PARP9: variants seen among roughly 807,000 people sequenced by gnomAD.
PARP9 encodes the protein poly(ADP-ribose) polymerase family member 9, also known as protein mono-ADP-ribosyltransferase PARP9.
Under a neutral mutation model 68.8 loss-of-function variants are expected in PARP9, and 48 were observed. That is an observed-to-expected ratio of 0.70 (90% CI 0.55 to 0.89). The LOEUF is 0.89. PARP9 is among the 40% of genes least tolerant of loss of function. The pLI, the probability that PARP9 is intolerant of heterozygous loss-of-function variation, is 0.00. For synonymous variants in PARP9, 309 were observed against 333.8 expected (o/e 0.93, Z 0.81); for missense variants, 806 against 969.3 (o/e 0.83, Z 2.24).
chr3:122,534,779 G>T, intron 10 of PARP9: 1 of 368,680 alleles, frequency 2.7e-6, no homozygotes, highest in Non-Finnish European at 3.8e-6. Context: ...GGGAGGCTGA[G>T]GCAGGAGAAC....
At chr3:122,535,022 G>C (rs1204023476) in intron 10 of PARP9, 1 of 978,696 alleles carries the variant, frequency 1.0e-6, no homozygotes, top group Non-Finnish European at 1.2e-6. Context: ...TGTTGGGTAG[G>C]CAAGTAGCAG....
At chr3:122,535,644 T>C in intron 10 of PARP9, 1 of 985,828 alleles carries the variant, frequency 1.0e-6, no homozygotes, top group African/African-American at 1.7e-5. Flanking sequence ...CACATAGAAC[T>C]CCTATGGATG....
At chr3:122,563,924 C>A (rs573487813) in intron 1 of PARP9, among the ~76,000 whole-genome samples, 1 of 151,988 alleles carries the variant, frequency 6.6e-6, no homozygotes, top group South Asian at 2.1e-4. Context: ...CCGCAGAAGC[C>A]CGTCTAAAGG....
intron 10 of PARP9, 154 bp downstream of exon 10, chr3:122,536,014 T>C: frequency 6.6e-7 from 1 of 1,526,274 alleles, no homozygotes; most frequent in Non-Finnish European, 8.8e-7. Context: ...CTTTCCAAAA[T>C]ACTTTGTGAC....
intron 10 of PARP9, chr3:122,533,639 A>T: frequency 1.0e-6 from 1 of 953,576 alleles, no homozygotes; most frequent in South Asian, 4.9e-5. Context: ...TACCCCTAGC[A>T]CAGGGCCTGA....
At chr3:122,530,584 C>G (rs907147203) in intron 10 of PARP9, among the ~76,000 whole-genome samples, 2 of 152,098 alleles carry the variant, frequency 1.3e-5, no homozygotes, top group African/African-American at 2.4e-5. Flanking sequence ...CGAAGTAATC[C>G]CTGTTCACTG....
At chr3:122,550,489 A>C in intron 6 of PARP9, 95 bp downstream of exon 6, 1 of 1,035,174 alleles carries the variant, frequency 9.7e-7, no homozygotes, top group Non-Finnish European at 1.4e-6. Flanking sequence ...CTAGCCCTGC[A>C]TCCCCTGCAT....
chr3:122,536,744 C>T, intron 9 of PARP9, 190 bp downstream of exon 9: 1 of 644,616 alleles, frequency 1.6e-6, no homozygotes, highest in Non-Finnish European at 2.5e-6. Flanking sequence ...TGATGTCATT[C>T]CTACCTCCCG....
chr3:122,560,383 T>G (rs994149667), intron 1 of PARP9, among the ~76,000 whole-genome samples: 9 of 138,782 alleles, frequency 6.5e-5, no homozygotes, highest in Non-Finnish European at 3.0e-5. Context: ...TCTTTGTTTG[T>G]TTTTTTGTTT....
intron 10 of PARP9, chr3:122,535,318 A>G (rs531109031): frequency 1.7e-5 from 17 of 985,252 alleles, no homozygotes; most frequent in Non-Finnish European, 1.9e-5. Flanking sequence ...AGTTTTGCCT[A>G]TGTTCTCTCC....
chr3:122,550,473 C>T (rs2079110070), intron 6 of PARP9, 111 bp downstream of exon 6: 4 of 882,116 alleles, frequency 4.5e-6, no homozygotes, highest in East Asian at 2.6e-5. Flanking sequence ...CCACACTGTA[C>T]AGCACCTAGC....
At chr3:122,533,609 T>C (rs2077449714) in intron 10 of PARP9, 8 of 853,898 alleles carry the variant, frequency 9.4e-6, no homozygotes, top group Non-Finnish European at 1.1e-5. Flanking sequence ...TATGGTTTTT[T>C]ATTTACACTC....
chr3:122,562,258 T>C (rs2080289801), intron 1 of PARP9, among the ~76,000 whole-genome samples: 2 of 152,098 alleles, frequency 1.3e-5, no homozygotes, highest in Admixed American at 6.6e-5. Context: ...TCTTGGCTCA[T>C]TGGAAGCTCC....
chr3:122,533,510 A>T, intron 10 of PARP9: 1 of 225,054 alleles, frequency 4.4e-6, no homozygotes, highest in Non-Finnish European at 7.4e-6. Flanking sequence ...GCCATCACCA[A>T]GGGGGACATC....
intron 8 of PARP9, among the ~76,000 whole-genome samples, chr3:122,538,658 CCA>C (rs10577699): frequency 0.32 from 45,979 of 144,678 alleles, 7,912 homozygotes; most frequent in East Asian, 0.53. Flanking sequence ...TAAAGCAATG[CCA>C]CACACACACA....
At chr3:122,549,204 C>A (rs531282253) in intron 6 of PARP9, among the ~76,000 whole-genome samples, 4 of 152,012 alleles carry the variant, frequency 2.6e-5, no homozygotes, top group African/African-American at 9.6e-5. Context: ...TTAGTAGAAA[C>A]GGGATTTCAT....
chr3:122,531,454 G>A (rs1294549450), intron 10 of PARP9, among the ~76,000 whole-genome samples: 1 of 152,160 alleles, frequency 6.6e-6, no homozygotes, highest in Non-Finnish European at 1.5e-5. Flanking sequence ...ATAAATATAT[G>A]TATAGTTTTT....
At chr3:122,543,441 C>A (rs2078428248) in intron 7 of PARP9, among the ~76,000 whole-genome samples, 1 of 151,400 alleles carries the variant, frequency 6.6e-6, no homozygotes, top group Non-Finnish European at 1.5e-5. Context: ...CCATGCCCGG[C>A]TAATTTTGTA....
At chr3:122,539,172 C>T (rs1358401063) in intron 8 of PARP9, among the ~76,000 whole-genome samples, 1 of 152,194 alleles carries the variant, frequency 6.6e-6, no homozygotes, top group African/African-American at 2.4e-5. Context: ...CCAGGCCTTG[C>T]GACAATCTTA....
Sources: allele counts gnomAD v4.1 joint callset (sites outside exome capture counted in the v4.1 genomes callset), GRCh38; gene constraint gnomAD v4.1.1; transcripts MANE v1.5; gene names NCBI Gene and HGNC (gene_info 2026-07-23, HGNC 2026-07-21).